ADGRF3: variants seen among roughly 807,000 people sequenced by gnomAD.
The protein encoded by ADGRF3 is adhesion G protein-coupled receptor F3.
A neutral mutation model predicts 93.2 loss-of-function variants in ADGRF3; 85 were observed. The ratio of observed to expected loss-of-function variants is 0.91; its 90% CI spans 0.77 to 1.09. The LOEUF is 1.09. Ranked by LOEUF, ADGRF3 falls within the 50% of genes least tolerant of loss-of-function variation. The pLI, the probability that ADGRF3 is intolerant of heterozygous loss-of-function variation, is 0.00. For missense variants in ADGRF3, 1,125 were observed against 1,246.2 expected (o/e 0.90, Z 1.46); for synonymous variants, 534 against 532.5 (o/e 1.00, Z -0.04).
chr2:26,309,429 G>A (rs1355488025), intron 13 of ADGRF3, 97 bp downstream of exon 13: 8 of 1,552,008 alleles, frequency 5.2e-6, no homozygotes, highest in Non-Finnish European at 6.1e-6. Flanking sequence ...GGTATAGAAA[G>A]AGGAGGCTTC....
At position 26,313,771 on chromosome 2, in the gene ADGRF3, G is replaced by T. The variant is rs766994108; in HGVS notation, c.1061C>A (p.Thr354Asn). Reference protein sequence around the residue: ...LAPLRVPISITIIQDGDITCP... With the variant: ...LAPLRVPISINIIQDGDITCP... ...CAGGCCCTGCGTACCCTGGATGATG[G>T]TGATGGAGATGGGGACCCTGAGTGG... The change falls in exon 7 of 14, where the codon ACC becomes AAC. Residue 354 changes from threonine to asparagine, a missense_variant. Transcript: ENST00000651242. 6.2e-7 allele frequency: 1 copy of T among 1,613,956 alleles called. No individual in the cohort carries two copies. The highest frequency in any genetic ancestry group is 1.1e-5 in the South Asian group (1 of 91,076).
At chr2:26,333,914 C>T (rs1354683573) in intron 1 of ADGRF3, among the ~76,000 whole-genome samples, 4 of 152,036 alleles carry the variant, frequency 2.6e-5, no homozygotes, top group Non-Finnish European at 5.9e-5. Flanking sequence ...ACCTCCACTT[C>T]CCAGGTTCAA....
intron 1 of ADGRF3, chr2:26,318,244 G>A (rs757045645): frequency 1.9e-4 from 121 of 623,988 alleles, no homozygotes; most frequent in Non-Finnish European, 3.1e-5. Flanking sequence ...GCACCTGCGT[G>A]TGCGTGTGGA....
At chr2:26,315,902 G>T in intron 4 of ADGRF3, 162 bp from the exon 5 acceptor site, 1 of 1,086,260 alleles carries the variant, frequency 9.2e-7, no homozygotes, top group Non-Finnish European at 1.3e-6. Flanking sequence ...CCTGAATGTG[G>T]CTGCTGCAAT....
chr2:26,319,561 C>T lies in ADGRF3; in HGVS notation c.115-1999G>A, dbSNP rs1323431952. Among the ~76,000 whole-genome samples, 27 of 36,542 alleles carry T rather than the reference C, an allele frequency of 7.4e-4. No individual in the cohort carries two copies. The South Asian group carries it at 0.015, about 21-fold the overall frequency. 24.0% of individuals were successfully genotyped at this position (36,542 alleles called of 152,430 possible). On this transcript the variant is annotated intron_variant, in intron 1 of 13. Transcript: ENST00000651242. The stretch of plus-strand genomic sequence containing the variant: ...CCCTTCTTTCTCTCCCTCCCTCCCT[C>T]CCTCCCTTCCTTCCTTCCTTCCTTC...
At chr2:26,328,694 C>T (rs1393623927) in intron 1 of ADGRF3, among the ~76,000 whole-genome samples, 3 of 152,158 alleles carry the variant, frequency 2.0e-5, no homozygotes, top group East Asian at 1.9e-4. Context: ...CCTCGTGATC[C>T]GCCCGCCTCA....
At position 26,316,999 on chromosome 2, in the gene ADGRF3, G is replaced by A; in HGVS notation, c.238C>T (p.Pro80Ser). The change falls in exon 3 of 14, where the codon CCT becomes TCT. Residue 80 changes from proline to serine, a missense_variant. By Grantham distance (74) the Pro-to-Ser change is moderately conservative. Coordinates refer to ENST00000651242, the MANE Select transcript of ADGRF3 (RefSeq NM_001321971.2). ...HLDFPDKTWP[P>S]ELSRTLTLPA... ...AGAGTCAGTGTCCTGGAGAGTTCAG[G>A]GGGCCAGGTCTTATCTGGAAAGTCC... 1.9e-6 allele frequency: 3 copies of A among 1,613,242 alleles called. No individual in the cohort carries two copies. The highest frequency in any genetic ancestry group is 2.5e-6 in the Non-Finnish European group (3 of 1,179,614).
intron 7 of ADGRF3, 35 bp downstream of exon 7, chr2:26,313,725 T>C: frequency 6.2e-7 from 1 of 1,611,678 alleles, no homozygotes; most frequent in East Asian, 2.2e-5. Flanking sequence ...GGCAAGCAGC[T>C]GGGACCAGCC....
At chr2:26,339,114 C>CACA (rs1676225335) in intron 1 of ADGRF3, among the ~76,000 whole-genome samples, 1 of 39,672 alleles carries the variant, frequency 2.5e-5, no homozygotes, top group Non-Finnish European at 5.0e-5. Context: ...GACTCCGTCA[C>CACA]AAAAAAAAAA....
Position 26,308,301 on chromosome 2 carries a change from T to C in ADGRF3, c.*785A>G, listed in dbSNP as rs1401469569. The C allele has an allele frequency of 6.6e-6, 1 of 152,156 alleles. No individual in the cohort carries two copies. Among genetic ancestry groups the C allele is most frequent in the East Asian group, 1.9e-4 (1 of 5,204 alleles). 9.4% of individuals were successfully genotyped at this position (152,156 alleles called of 1,614,324 possible). On this transcript the variant is annotated 3_prime_UTR_variant, in exon 14 of 14. Transcript: ENST00000651242. ...TTTTTCACGTATCTAGTTTAAAAAT[T>C]TCTCAGAATCCTGTCATCTTCCTCT...
At chr2:26,323,013 C>T (rs985196011) in intron 1 of ADGRF3, among the ~76,000 whole-genome samples, 4 of 152,014 alleles carry the variant, frequency 2.6e-5, no homozygotes, top group African/African-American at 9.7e-5. Flanking sequence ...GTGGTGGGCA[C>T]CTGTAATCCC....
chr2:26,339,114 C>CAAA (rs61584458), intron 1 of ADGRF3, among the ~76,000 whole-genome samples: 281 of 38,784 alleles, frequency 7.2e-3, no homozygotes, highest in East Asian at 8.6e-3. Context: ...GACTCCGTCA[C>CAAA]AAAAAAAAAA....
chr2:26,336,335 T>TGTGTGTGTGTGTGTGA (rs751675380), intron 1 of ADGRF3, among the ~76,000 whole-genome samples: 1 of 151,316 alleles, frequency 6.6e-6, no homozygotes, highest in South Asian at 2.1e-4. Context: ...TGTGTGTGTG[T>TGTGTGTGTGTGTGTGA]GAGTGTGTGT....
At chr2:26,333,986 G>GT (rs35637865) in intron 1 of ADGRF3, among the ~76,000 whole-genome samples, 108,609 of 147,110 alleles carry the variant, frequency 0.74, 42,255 homozygotes, top group Non-Finnish European at 0.87. Flanking sequence ...CGCCCAGCTA[G>GT]TTTTTTTTTT....
At chr2:26,336,722 T>TAAAAAAAAAA (rs57691864) in intron 1 of ADGRF3, among the ~76,000 whole-genome samples, 4 of 22,086 alleles carry the variant, frequency 1.8e-4, no homozygotes, top group African/African-American at 2.6e-4. Context: ...TGAGACTCCA[T>TAAAAAAAAAA]AAAAAAAAAA....
intron 1 of ADGRF3, among the ~76,000 whole-genome samples, chr2:26,339,941 G>A (rs569913224): frequency 4.6e-5 from 7 of 152,256 alleles, no homozygotes; most frequent in East Asian, 3.9e-4. Flanking sequence ...AAGTTTTCCC[G>A]TTTTAAACCT....
At chr2:26,318,055 T>C in intron 1 of ADGRF3, 1 of 1,551,530 alleles carries the variant, frequency 6.4e-7, no homozygotes, top group Non-Finnish European at 8.7e-7. Context: ...TGGGCCCACA[T>C]TGTCTGGCCC....
intron 1 of ADGRF3, among the ~76,000 whole-genome samples, chr2:26,331,065 G>A (rs1675740342): frequency 6.6e-6 from 1 of 151,962 alleles, no homozygotes; most frequent in African/African-American, 2.4e-5. Flanking sequence ...TTTCTTCTTT[G>A]TCGGCTACTT....
chr2:26,323,132 C>G (rs1675249462), intron 1 of ADGRF3, among the ~76,000 whole-genome samples: 2 of 151,974 alleles, frequency 1.3e-5, no homozygotes, highest in South Asian at 2.1e-4. Context: ...GAGTGAGACT[C>G]CATCTCAAAA....
Sources: allele counts gnomAD v4.1 joint callset (sites outside exome capture counted in the v4.1 genomes callset), GRCh38; gene constraint gnomAD v4.1.1; transcripts MANE v1.5; gene names NCBI Gene and HGNC (gene_info 2026-07-23, HGNC 2026-07-21).